MCF2L2: variants seen among roughly 807,000 people sequenced by gnomAD.
The protein encoded by MCF2L2 is MCF.2 cell line derived transforming sequence-like 2.
In MCF2L2, 102 loss-of-function variants were observed where a neutral mutation model predicts 150.2. The ratio of observed to expected loss-of-function variants is 0.68; its 90% CI spans 0.58 to 0.80. The LOEUF (loss-of-function observed/expected upper bound fraction) is 0.80, where lower values mean the gene tolerates loss of function less well. Ranked by LOEUF, MCF2L2 falls within the 30% of genes least tolerant of loss-of-function variation. The probability of loss-of-function intolerance (pLI) is 0.00; values close to 1 mark genes in which losing one functional copy is unlikely to be tolerated. For missense variants in MCF2L2, 1,256 were observed against 1,372.8 expected, an observed-to-expected ratio of 0.91 and a Z score of 1.34; for synonymous variants, 465 against 491.3, an observed-to-expected ratio of 0.95 and a Z score of 0.71.
intron 15 of MCF2L2, among the ~76,000 whole-genome samples, chr3:183,251,190 G>T (rs76017262): frequency 0.025 from 3,879 of 152,330 alleles, 156 homozygotes; most frequent in African/African-American, 0.088. Context: ...TATAGGGCCT[G>T]TGAGGAAATC....
In MCF2L2 at chr3:183,270,997, T is replaced by A; in HGVS notation, c.1862+5875A>T. The A allele has an allele frequency of 6.9e-7, 1 of 1,443,086 alleles. No homozygotes were observed. The highest frequency in any genetic ancestry group is 9.3e-7 in the Non-Finnish European group (1 of 1,071,704). 89.4% of individuals were successfully genotyped at this position (1,443,086 alleles called of 1,614,324 possible). A position where few individuals can be genotyped will look rare whatever the true frequency, so the allele number is the denominator to read the frequency against. On this transcript the variant is annotated intron_variant, in intron 15 of 29. Transcript: ENST00000328913. The surrounding 1 kb of genome is among the most constrained non-coding windows in gnomAD (Gnocchi z 4.5). ...GTCAAACCTGGATGAAAAAAACCTT[T>A]AAATGTTCGTCTATACCCTAAGTAA...
At chr3:183,209,801 A>T (rs78281113) in intron 22 of MCF2L2, among the ~76,000 whole-genome samples, 2,656 of 152,208 alleles carry the variant, frequency 0.017, 83 homozygotes, top group African/African-American at 0.059. Flanking sequence ...CATGCACTAA[A>T]TTATTTAAAA....
chr3:183,195,302 T>C lies in MCF2L2; in HGVS notation c.2885-47A>G, dbSNP rs761947576. On this transcript the variant is annotated intron_variant, in intron 25 of 29. Coordinates refer to ENST00000328913, the MANE Select transcript of MCF2L2 (RefSeq NM_015078.4). ...AACAGCACTCTCAAATTTAAGCTAA[T>C]TTGAATTGATTTTACATAGTGATTT... 172 of 1,348,724 alleles carry C rather than the reference T, an allele frequency of 1.3e-4. 2 individuals are homozygous for C. In the South Asian group the frequency reaches 2.0e-3, roughly 16 times the overall value. The allele number at this position is 1,348,724 out of a possible 1,614,324, so 83.5% of individuals were successfully genotyped here.
intron 5 of MCF2L2, among the ~76,000 whole-genome samples, chr3:183,327,081 C>CT (rs1408618921): frequency 2.2e-4 from 34 of 152,082 alleles, no homozygotes; most frequent in Admixed American, 5.2e-4. Context: ...AATCCCAGCA[C>CT]TTTGGGGGGC....
At chr3:183,339,501 G>A (rs1487128627) in intron 4 of MCF2L2, among the ~76,000 whole-genome samples, 5 of 152,142 alleles carry the variant, frequency 3.3e-5, no homozygotes, top group Non-Finnish European at 5.9e-5. Flanking sequence ...ATACTGAGAC[G>A]AACACCTTTA....
intron 27 of MCF2L2, among the ~76,000 whole-genome samples, chr3:183,183,503 G>A (rs1252364022): frequency 6.6e-6 from 1 of 152,212 alleles, no homozygotes; most frequent in African/African-American, 2.4e-5. Flanking sequence ...GCAGGAGAAG[G>A]TGCTCTGGAG....
chr3:183,384,879 C>T (rs1477930021), intron 2 of MCF2L2, among the ~76,000 whole-genome samples: 1 of 152,068 alleles, frequency 6.6e-6, no homozygotes, highest in Non-Finnish European at 1.5e-5. Flanking sequence ...GATATAGTAT[C>T]TATAAATTTT....
At chr3:183,239,347 T>C (rs894874486) in intron 15 of MCF2L2, among the ~76,000 whole-genome samples, 20 of 152,116 alleles carry the variant, frequency 1.3e-4, no homozygotes, top group African/African-American at 4.6e-4. Context: ...TCTGAAGCCA[T>C]ATTTCAGGGT....
intron 15 of MCF2L2, among the ~76,000 whole-genome samples, chr3:183,242,363 C>T (rs1400980545): frequency 1.3e-5 from 2 of 152,210 alleles, no homozygotes; most frequent in East Asian, 1.9e-4. Flanking sequence ...GCAACCCCTC[C>T]CATCACAGGC....
intron 3 of MCF2L2, among the ~76,000 whole-genome samples, chr3:183,358,423 A>G (rs1711920601): frequency 6.6e-6 from 1 of 152,240 alleles, no homozygotes; most frequent in Admixed American, 6.5e-5. Context: ...TGATGAACAG[A>G]AATGAACAAA....
At chr3:183,351,937 C>T (rs1308000922) in intron 3 of MCF2L2, among the ~76,000 whole-genome samples, 1 of 152,164 alleles carries the variant, frequency 6.6e-6, no homozygotes, top group East Asian at 1.9e-4. Context: ...TTTACTGATT[C>T]TGTATAGTGA....
At chr3:183,403,644 C>T (rs774828434) in intron 1 of MCF2L2, among the ~76,000 whole-genome samples, 1 of 152,152 alleles carries the variant, frequency 6.6e-6, no homozygotes, top group Non-Finnish European at 1.5e-5. Context: ...GTTCCATCCT[C>T]GAAGGAATCT....
chr3:183,355,715 C>A (rs1278448616), intron 3 of MCF2L2, among the ~76,000 whole-genome samples: 1 of 151,156 alleles, frequency 6.6e-6, no homozygotes, highest in African/African-American at 2.4e-5. Flanking sequence ...ATCCGCCTGC[C>A]TCGGCCTCCC....
chr3:183,326,645 C>T (rs1003252505), intron 5 of MCF2L2, among the ~76,000 whole-genome samples: 16 of 152,032 alleles, frequency 1.1e-4, no homozygotes, highest in Non-Finnish European at 5.9e-5. Flanking sequence ...CCTTTCACCA[C>T]CAATGGTTAC....
intron 21 of MCF2L2, among the ~76,000 whole-genome samples, chr3:183,216,373 CAT>C (rs1011144887): frequency 1.6e-4 from 23 of 146,028 alleles, no homozygotes; most frequent in African/African-American, 5.6e-4. Flanking sequence ...ACATAAGAAA[CAT>C]ATAGAATTCA....
At chr3:183,271,061 A>G in intron 15 of MCF2L2, 2 of 859,788 alleles carry the variant, frequency 2.3e-6, no homozygotes, top group East Asian at 2.8e-5. Context: ...AGCCTAGTCC[A>G]TCAGAATGTT....
intron 6 of MCF2L2, among the ~76,000 whole-genome samples, chr3:183,320,808 T>G (rs780304473): frequency 2.0e-5 from 3 of 152,236 alleles, no homozygotes; most frequent in Non-Finnish European, 4.4e-5. Context: ...GGTCTAGCTT[T>G]CTGCCTGTCT....
At chr3:183,334,575 G>A (rs1445826051) in intron 5 of MCF2L2, among the ~76,000 whole-genome samples, 1 of 151,056 alleles carries the variant, frequency 6.6e-6, no homozygotes, top group African/African-American at 2.4e-5. Flanking sequence ...ATCACCTGAG[G>A]TCAGGAGTTC....
At chr3:183,265,323 TG>T (rs1251430377) in intron 15 of MCF2L2, 1 of 152,288 alleles carries the variant, frequency 6.6e-6, no homozygotes, top group East Asian at 1.9e-4. Context: ...CAGTCTGTTG[TG>T]GATGGTTGCT....
Sources: gnomAD v4.1 joint callset for allele counts (sites outside exome capture counted in the v4.1 genomes callset) on GRCh38, gnomAD v4.1.1 for gene constraint, Gnocchi (gnomAD v3.1) non-coding constraint, MANE v1.5 for transcripts, NCBI Gene and HGNC (gene_info 2026-07-23, HGNC 2026-07-21) for gene names.